Variants in CNTNAP5 observed in about 807,000 individuals in gnomAD.
CNTNAP5 encodes contactin associated protein family member 5.
CNTNAP5 carries 72 observed loss-of-function variants against 150.2 expected under a neutral mutation model. That is an observed-to-expected ratio of 0.48 (90% CI 0.40 to 0.58). CNTNAP5 has a LOEUF of 0.58. Among genes scored for constraint, CNTNAP5 ranks in the 20% least tolerant of loss-of-function variants. CNTNAP5 has a pLI of 0.00. For missense variants in CNTNAP5, 1,636 were observed against 1,626.2 expected (o/e 1.01, Z -0.10); for synonymous variants, 672 against 619.8 (o/e 1.08, Z -1.25).
At chr2:124,494,815 C>A (rs1400137597) in intron 7 of CNTNAP5, among the ~76,000 whole-genome samples, 1 of 152,216 alleles carries the variant, frequency 6.6e-6, no homozygotes, top group Non-Finnish European at 1.5e-5. Context: ...GCAATCTACA[C>A]TAATTTCCTA....
At chr2:124,249,775 C>G (rs780043) in intron 3 of CNTNAP5, among the ~76,000 whole-genome samples, 122,154 of 152,138 alleles carry the variant, frequency 0.8, 49,147 homozygotes, top group South Asian at 0.87. Context: ...CTGTTAAAAT[C>G]TTTTACAGAG....
At chr2:124,573,802 T>C (rs761161005) in intron 11 of CNTNAP5, among the ~76,000 whole-genome samples, 5 of 152,176 alleles carry the variant, frequency 3.3e-5, no homozygotes, top group Non-Finnish European at 5.9e-5. Flanking sequence ...TCAATAGCTC[T>C]CTGGTATCAG....
At chr2:124,099,213 C>T (rs1429556407) in intron 1 of CNTNAP5, among the ~76,000 whole-genome samples, 1 of 152,136 alleles carries the variant, frequency 6.6e-6, no homozygotes. Flanking sequence ...GTCCTTTATG[C>T]TCTCTACACC....
intron 13 of CNTNAP5, among the ~76,000 whole-genome samples, chr2:124,741,147 C>A (rs1558757856): frequency 6.6e-6 from 1 of 152,056 alleles, no homozygotes; most frequent in Non-Finnish European, 1.5e-5. Flanking sequence ...CTGAGTTTGC[C>A]AGAATCTAAG....
intron 19 of CNTNAP5, among the ~76,000 whole-genome samples, chr2:124,859,386 A>G (rs968607061): frequency 1.2e-4 from 18 of 152,214 alleles, no homozygotes; most frequent in African/African-American, 2.2e-4. Flanking sequence ...TTAGAATGGC[A>G]ATCATTAAAA....
intron 1 of CNTNAP5, among the ~76,000 whole-genome samples, chr2:124,167,714 T>G (rs1383868758): frequency 1.3e-5 from 2 of 152,182 alleles, no homozygotes; most frequent in Non-Finnish European, 2.9e-5. Context: ...TCATAGCTAC[T>G]CTGCAGTGTG....
chr2:124,789,883 C>G lies in CNTNAP5; in HGVS notation c.2753-19C>G. ...CCCTATAATACCTTACATTTGTTTC[C>G]TTTTATTTAACCTCTTAGGGGGAAC... On this transcript the variant is annotated intron_variant, in intron 17 of 23. Coordinates refer to ENST00000682447, the MANE Select transcript of CNTNAP5 (RefSeq NM_001367498.1). The G allele has an allele frequency of 6.2e-7, 1 of 1,611,544 alleles. No individual in the cohort carries two copies. Among genetic ancestry groups the G allele is most frequent in the South Asian group, 1.1e-5 (1 of 90,862 alleles).
intron 1 of CNTNAP5, among the ~76,000 whole-genome samples, chr2:124,142,502 A>T (rs1197230008): frequency 6.8e-6 from 1 of 146,838 alleles, no homozygotes. Flanking sequence ...AAGCCGCTCA[A>T]CTACATGGAA....
At position 124,890,559 on chromosome 2, in the gene CNTNAP5, T is replaced by A. The variant is rs562127106; in HGVS notation, c.3437-12323T>A. Among the ~76,000 whole-genome samples, 3 of 152,288 alleles carry A rather than the reference T, an allele frequency of 2.0e-5. No homozygotes were observed. In the South Asian group the frequency reaches 6.2e-4, roughly 32 times the overall value. On this transcript the variant is annotated intron_variant, in intron 21 of 23. Coordinates refer to ENST00000682447, the MANE Select transcript of CNTNAP5 (RefSeq NM_001367498.1). ...GCACTCTAATGCCTGCCTTGGTATCTGCTTCAGAGCAAATTTAAACTGTAA... is the reference window on the plus strand; with the variant it reads ...GCACTCTAATGCCTGCCTTGGTATCAGCTTCAGAGCAAATTTAAACTGTAA...
At chr2:124,091,138 G>A (rs761081853) in intron 1 of CNTNAP5, among the ~76,000 whole-genome samples, 46 of 152,158 alleles carry the variant, frequency 3.0e-4, no homozygotes, top group Non-Finnish European at 4.6e-4. Context: ...GTCTGATCAG[G>A]AAAGAGACAC....
At chr2:124,786,331 AAGAG>A (rs1385299588) in intron 17 of CNTNAP5, among the ~76,000 whole-genome samples, 1 of 140,124 alleles carries the variant, frequency 7.1e-6, no homozygotes, top group Non-Finnish European at 1.5e-5. Context: ...GGAAGAAAGA[AAGAG>A]AAAGAAAGAA....
chr2:124,364,335 T>G (rs533367150), intron 3 of CNTNAP5, among the ~76,000 whole-genome samples: 1 of 152,320 alleles, frequency 6.6e-6, no homozygotes, highest in Non-Finnish European at 1.5e-5. Flanking sequence ...CCTCACACTC[T>G]GCAAATGCGT....
intron 14 of CNTNAP5, among the ~76,000 whole-genome samples, chr2:124,759,361 CATTATATATATTTATTATATATATATAA>C (rs1254342330): frequency 3.4e-5 from 5 of 145,240 alleles, no homozygotes; most frequent in African/African-American, 1.3e-4. Flanking sequence ...TATATATATT[CATTATATATATTTATTATATATATATAA>C]ATTATATATA....
intron 12 of CNTNAP5, among the ~76,000 whole-genome samples, chr2:124,636,857 T>G (rs1394046420): frequency 6.9e-6 from 1 of 144,192 alleles, no homozygotes; most frequent in Admixed American, 7.0e-5. Context: ...CCTTCACGTT[T>G]ACGATTCTGC....
At chr2:124,785,193 G>A (rs1010734600) in intron 17 of CNTNAP5, among the ~76,000 whole-genome samples, 1 of 152,110 alleles carries the variant, frequency 6.6e-6, no homozygotes, top group African/African-American at 2.4e-5. Context: ...TAGAGCAATA[G>A]GGGAAAAATT....
At chr2:124,366,138 T>C (rs1218409852) in intron 3 of CNTNAP5, among the ~76,000 whole-genome samples, 1 of 152,172 alleles carries the variant, frequency 6.6e-6, no homozygotes, top group African/African-American at 2.4e-5. Flanking sequence ...CTTTACTAAG[T>C]ACTTGATTTC....
intron 19 of CNTNAP5, among the ~76,000 whole-genome samples, chr2:124,861,358 A>G (rs1380441359): frequency 6.6e-6 from 1 of 152,000 alleles, no homozygotes; most frequent in East Asian, 1.9e-4. Flanking sequence ...GGATCACCTG[A>G]GGTCAGGAGA....
chr2:124,867,746 T>C (rs1677662576), intron 20 of CNTNAP5, among the ~76,000 whole-genome samples: 1 of 152,202 alleles, frequency 6.6e-6, no homozygotes, highest in African/African-American at 2.4e-5. Context: ...CTCACATCTT[T>C]AAATTTCATG....
intron 8 of CNTNAP5, among the ~76,000 whole-genome samples, chr2:124,506,104 G>T (rs1443137229): frequency 6.6e-6 from 1 of 151,306 alleles, no homozygotes; most frequent in Non-Finnish European, 1.5e-5. Context: ...GGCCAAGCTT[G>T]AGTATTGCAA....
Sources: allele counts gnomAD v4.1 joint callset (sites outside exome capture counted in the v4.1 genomes callset), GRCh38; gene constraint gnomAD v4.1.1; transcripts MANE v1.5; gene names NCBI Gene and HGNC (gene_info 2026-07-23, HGNC 2026-07-21).